DPM1: variants seen among roughly 807,000 people sequenced by gnomAD.
DPM1 encodes dolichol-phosphate mannosyltransferase subunit 1.
DPM1 carries 27 observed loss-of-function variants against 39.0 expected under a neutral mutation model. The observed-to-expected ratio is 0.69, with a 90% CI of 0.51 to 0.95. DPM1 has a LOEUF of 0.95. Ranked by LOEUF, DPM1 falls within the 40% of genes least tolerant of loss-of-function variation. DPM1 has a pLI of 0.00. For synonymous variants in DPM1, 124 were observed against 109.0 expected, an observed-to-expected ratio of 1.14 and a Z score of -0.86; for missense variants, 307 against 315.6, an observed-to-expected ratio of 0.97 and a Z score of 0.21.
intron 1 of DPM1, among the ~76,000 whole-genome samples, chr20:50,957,460 GA>G (rs1241284488): frequency 6.6e-6 from 1 of 152,182 alleles, no homozygotes; most frequent in Non-Finnish European, 1.5e-5. Flanking sequence ...TGCAATAAAG[GA>G]GCACCGCTAT....
intron 1 of DPM1, 152 bp downstream of exon 1, chr20:50,958,211 T>G: frequency 1.0e-6 from 1 of 996,456 alleles, no homozygotes; most frequent in Non-Finnish European, 1.5e-6. Context: ...AGCATCCGCC[T>G]CTGCTTCCCT....
At chr20:50,946,688 G>A (rs960899925) in intron 3 of DPM1, among the ~76,000 whole-genome samples, 16 of 152,220 alleles carry the variant, frequency 1.1e-4, no homozygotes, top group African/African-American at 3.4e-4. Context: ...CTTGTTAGGA[G>A]CAGGACTTGG....
chr20:50,946,298 T>C (rs1238428160), intron 3 of DPM1, among the ~76,000 whole-genome samples: 3 of 152,222 alleles, frequency 2.0e-5, no homozygotes, highest in Admixed American at 6.5e-5. Flanking sequence ...GAGCTCCACA[T>C]TTACAAATCA....
intron 1 of DPM1, 132 bp downstream of exon 1, chr20:50,958,231 G>T: frequency 1.7e-6 from 2 of 1,176,144 alleles, no homozygotes; most frequent in Non-Finnish European, 2.4e-6. Context: ...TCGCAGGGTG[G>T]CCCTCTCCCC....
chr20:50,939,205 C>T (rs1228701007), intron 7 of DPM1, among the ~76,000 whole-genome samples: 1 of 152,088 alleles, frequency 6.6e-6, no homozygotes, highest in African/African-American at 2.4e-5. Flanking sequence ...TCTTCACAGC[C>T]TCTATCTTCA....
chr20:50,941,261 T>A lies in DPM1; in HGVS notation c.495-328A>T, dbSNP rs1243293368. 219 of 159,228 alleles carry A rather than the reference T, an allele frequency of 1.4e-3. 6 individuals carry two copies. Among genetic ancestry groups the A allele is most frequent in the African/African-American group, 7.3e-3 (206 of 28,284 alleles). The allele number at this position is 159,228 out of a possible 1,614,324, so 9.9% of individuals were successfully genotyped here. On this transcript the variant is annotated intron_variant, in intron 6 of 8. Coordinates refer to ENST00000371588, the MANE Select transcript of DPM1 (RefSeq NM_003859.3). ...ATATATATATATATATATATATATA[T>A]ATAAATAAAATACATTCATATAATA... is the stretch of plus-strand genomic sequence containing the variant.
intron 5 of DPM1, among the ~76,000 whole-genome samples, chr20:50,945,493 A>G (rs1601043555): frequency 1.3e-5 from 2 of 151,980 alleles, no homozygotes; most frequent in Non-Finnish European, 2.9e-5. Flanking sequence ...GGCGCATGCC[A>G]TTGTGTCTGG....
chr20:50,937,964 C>T (rs1200205354), intron 7 of DPM1, among the ~76,000 whole-genome samples: 3 of 152,116 alleles, frequency 2.0e-5, no homozygotes, highest in Admixed American at 6.5e-5. Context: ...TAGGTGTGAG[C>T]CACCACATCC....
At chr20:50,954,124 A>G (rs1986715125) in intron 2 of DPM1, among the ~76,000 whole-genome samples, 1 of 152,146 alleles carries the variant, frequency 6.6e-6, no homozygotes, top group African/African-American at 2.4e-5. Flanking sequence ...CTCTAAGTAG[A>G]AAGTATTTCT....
intron 7 of DPM1, among the ~76,000 whole-genome samples, chr20:50,937,043 CTTTT>C (rs75516205): frequency 1.4e-5 from 2 of 140,414 alleles, no homozygotes; most frequent in African/African-American, 5.2e-5. Flanking sequence ...CAGAGTCACA[CTTTT>C]TTTTTTTTTT....
At chr20:50,943,468 TCCTG>T (rs1039099473) in intron 5 of DPM1, among the ~76,000 whole-genome samples, 2 of 151,240 alleles carry the variant, frequency 1.3e-5, no homozygotes, top group Admixed American at 1.3e-4. Flanking sequence ...CAAGTGATTC[TCCTG>T]CCTCAGCCTC....
intron 6 of DPM1, among the ~76,000 whole-genome samples, chr20:50,941,360 C>CATATACATATATATTCAT (rs1568762937): frequency 8.6e-6 from 1 of 116,028 alleles, no homozygotes; most frequent in African/African-American, 4.2e-5. Context: ...TATTCATATA[C>CATATACATATATATTCAT]ATATATATTC....
intron 7 of DPM1, among the ~76,000 whole-genome samples, chr20:50,938,833 G>A (rs1017001828): frequency 6.6e-6 from 1 of 151,544 alleles, no homozygotes; most frequent in Middle Eastern, 3.2e-3. Flanking sequence ...TACAAAATTA[G>A]CCAGGCATGG....
chr20:50,958,049 G>A (rs537788957), intron 1 of DPM1, among the ~76,000 whole-genome samples: 2 of 152,364 alleles, frequency 1.3e-5, no homozygotes, highest in East Asian at 3.9e-4. Flanking sequence ...GGAGGAGTGG[G>A]ATCACGCTTT....
chr20:50,941,883 A>T, intron 6 of DPM1, 148 bp downstream of exon 6: 1 of 717,366 alleles, frequency 1.4e-6, no homozygotes, highest in Admixed American at 2.3e-5. Flanking sequence ...ATCACAGGAA[A>T]AACTGTAAGA....
In DPM1 at chr20:50,958,502, G is replaced by A. The variant is rs201392536; in HGVS notation, c.22C>T (p.Arg8Cys). The A allele has an allele frequency of 1.4e-4, 222 of 1,613,770 alleles. No individual in the cohort carries two copies. The East Asian group carries it at 1.8e-3, about 13-fold the overall frequency. Residue 8 changes from arginine (R) to cysteine (C), a missense_variant, in exon 1 of 9, where the codon CGT becomes TGT. Around this residue, in one of 3 missense-constraint regions of DPM1, gnomAD observed 206 missense variants for 188.2 expected, o/e 1.09. Transcript: ENST00000371588. Reference protein sequence around the residue: MASLEVSRSPRRSRRELE... With the variant: MASLEVSCSPRRSRRELE... ...TCCCGCCGAGACCTGCGAGGACTAC[G>A]ACTGACTTCCAAGGAGGCCATGGCG...
intron 2 of DPM1, among the ~76,000 whole-genome samples, chr20:50,953,632 A>G (rs1344715372): frequency 1.3e-5 from 2 of 152,156 alleles, no homozygotes; most frequent in African/African-American, 2.4e-5. Flanking sequence ...CTCATTTTGA[A>G]TTTTATTGGG....
chr20:50,938,670 G>A (rs191425907), intron 7 of DPM1, among the ~76,000 whole-genome samples: 19 of 142,110 alleles, frequency 1.3e-4, no homozygotes, highest in African/African-American at 2.8e-4. Context: ...GTGAGCCACC[G>A]CGCCCAGCCT....
At chr20:50,952,709 G>T (rs1241488010) in intron 2 of DPM1, among the ~76,000 whole-genome samples, 4 of 152,158 alleles carry the variant, frequency 2.6e-5, no homozygotes, top group Non-Finnish European at 4.4e-5. Context: ...TGGTATTTAG[G>T]AATGGACAGA....
Sources: gnomAD v4.1 joint callset for allele counts (sites outside exome capture counted in the v4.1 genomes callset) on GRCh38, gnomAD v4.1.1 for gene constraint, gnomAD v4.1.1 regional missense constraint, MANE v1.5 for transcripts, NCBI Gene and HGNC (gene_info 2026-07-23, HGNC 2026-07-21) for gene names.